Variants in NCKAP5 observed in about 807,000 individuals in gnomAD.
NCKAP5 encodes nck-associated protein 5.
In NCKAP5, 92 loss-of-function variants were observed where a neutral mutation model predicts 167.0. That is an observed-to-expected ratio of 0.55 (90% CI 0.47 to 0.66). The LOEUF (loss-of-function observed/expected upper bound fraction) is 0.66, where lower values mean the gene tolerates loss of function less well. Among genes scored for constraint, NCKAP5 ranks in the 30% least tolerant of loss-of-function variants. The pLI, the probability that NCKAP5 is intolerant of heterozygous loss-of-function variation, is 0.00. For synonymous variants in NCKAP5, 891 were observed against 877.4 expected (o/e 1.02, Z -0.27); for missense variants, 2,378 against 2,315.0 (o/e 1.03, Z -0.56).
At chr2:133,619,531 A>G in the NCKAP5 span, among the ~76,000 whole-genome samples, 2 of 151,954 alleles carry the variant, frequency 1.3e-5, no homozygotes, top group East Asian at 3.9e-4. Flanking sequence ...ACCCAACCCA[A>G]CAAAGACAAA....
chr2:133,469,370 C>A (rs370217241), intron 3 of NCKAP5, among the ~76,000 whole-genome samples: 18,541 of 151,098 alleles, frequency 0.12, 1,243 homozygotes, highest in East Asian at 0.25. Flanking sequence ...GGGTTTCTGC[C>A]GAGAGATCCG....
At chr2:133,223,765 G>T (rs1559287867) in intron 4 of NCKAP5, among the ~76,000 whole-genome samples, 6 of 152,176 alleles carry the variant, frequency 3.9e-5, no homozygotes. Context: ...GTTCTAAGTT[G>T]TGGATCTTCA....
intron 2 of NCKAP5, among the ~76,000 whole-genome samples, chr2:133,548,241 T>C (rs1404620823): frequency 6.6e-6 from 1 of 151,974 alleles, no homozygotes; most frequent in East Asian, 1.9e-4. Flanking sequence ...AAAGACCAAA[T>C]CTACATCTGA....
At chr2:133,065,267 C>A (rs191520963) in intron 6 of NCKAP5, among the ~76,000 whole-genome samples, 1 of 152,272 alleles carries the variant, frequency 6.6e-6, no homozygotes, top group Non-Finnish European at 1.5e-5. Flanking sequence ...AGCACACACA[C>A]AAAAATTAAA....
chr2:132,755,697 C>T (rs112540125), intron 16 of NCKAP5, among the ~76,000 whole-genome samples: 132 of 151,698 alleles, frequency 8.7e-4, no homozygotes, highest in African/African-American at 3.0e-3. Context: ...GGCATGGTGG[C>T]GCGCGCCTGT....
chr2:132,986,811 G>C (rs1395080345), intron 7 of NCKAP5, among the ~76,000 whole-genome samples: 1 of 152,158 alleles, frequency 6.6e-6, no homozygotes, highest in Non-Finnish European at 1.5e-5. Flanking sequence ...TTGTATGGCA[G>C]ACAAACCTGA....
chr2:133,669,413 C>T, the NCKAP5 span, among the ~76,000 whole-genome samples: 3 of 152,100 alleles, frequency 2.0e-5, no homozygotes, highest in African/African-American at 7.2e-5. Flanking sequence ...CTTTTCCCCC[C>T]TATCATTCTT....
intron 2 of NCKAP5, among the ~76,000 whole-genome samples, chr2:133,557,331 G>A (rs574860070): frequency 6.6e-5 from 10 of 152,102 alleles, no homozygotes; most frequent in Non-Finnish European, 1.2e-4. Flanking sequence ...TAACATTCAT[G>A]AGCATCAGTC....
At chr2:133,223,157 T>C (rs1232050820) in intron 4 of NCKAP5, among the ~76,000 whole-genome samples, 1 of 152,186 alleles carries the variant, frequency 6.6e-6, no homozygotes, top group Non-Finnish European at 1.5e-5. Flanking sequence ...CCCCATATTG[T>C]TTCCCTGTGA....
chr2:132,739,793 C>T (rs973528553), intron 16 of NCKAP5, among the ~76,000 whole-genome samples: 2 of 152,084 alleles, frequency 1.3e-5, no homozygotes, highest in Admixed American at 6.5e-5. Flanking sequence ...TGAATATGCA[C>T]CAATGTACTT....
intron 2 of NCKAP5, among the ~76,000 whole-genome samples, chr2:133,539,014 C>T (rs1264524582): frequency 7.1e-6 from 1 of 141,842 alleles, no homozygotes; most frequent in Non-Finnish European, 1.5e-5. Context: ...GATCTCGACT[C>T]ACTGCAAGCT....
intron 3 of NCKAP5, among the ~76,000 whole-genome samples, chr2:133,447,578 C>T (rs553100270): frequency 1.4e-5 from 2 of 139,726 alleles, no homozygotes; most frequent in African/African-American, 5.4e-5. Flanking sequence ...CCTTCTCTTC[C>T]TTTCCCCTTC....
At chr2:133,449,536 A>G (rs2151193141) in intron 3 of NCKAP5, among the ~76,000 whole-genome samples, 1 of 152,324 alleles carries the variant, frequency 6.6e-6, no homozygotes, top group African/African-American at 2.4e-5. Context: ...AAATAGTTGG[A>G]CTTTTGGGTC....
intron 12 of NCKAP5, among the ~76,000 whole-genome samples, chr2:132,794,661 A>G (rs953763641): frequency 1.4e-5 from 2 of 144,544 alleles, no homozygotes; most frequent in African/African-American, 5.8e-5. Context: ...ACACACACAC[A>G]CACACACACA....
At chr2:132,693,305 G>A (rs1426574291) in intron 19 of NCKAP5, among the ~76,000 whole-genome samples, 1 of 152,126 alleles carries the variant, frequency 6.6e-6, no homozygotes, top group Admixed American at 6.5e-5. Flanking sequence ...GTAAGTTAAG[G>A]TGGATCATAC....
intron 6 of NCKAP5, among the ~76,000 whole-genome samples, chr2:133,111,282 C>T (rs2081901485): frequency 6.6e-6 from 1 of 152,136 alleles, no homozygotes; most frequent in African/African-American, 2.4e-5. Context: ...CAGATTGTTG[C>T]TGTAGACCTG....
At chr2:133,117,715 A>G (rs1397957571) in intron 6 of NCKAP5, 2 of 152,228 alleles carry the variant, frequency 1.3e-5, no homozygotes, top group Non-Finnish European at 2.9e-5. Flanking sequence ...CTCTCTTGAC[A>G]ATAATGTGAA....
chr2:133,395,161 G>A (rs1341769900), intron 3 of NCKAP5, among the ~76,000 whole-genome samples: 1 of 152,208 alleles, frequency 6.6e-6, no homozygotes, highest in East Asian at 1.9e-4. Flanking sequence ...TAAAAGGTTA[G>A]TGAGGGGACC....
chr2:133,206,049 T>G (rs77024090), intron 5 of NCKAP5, among the ~76,000 whole-genome samples: 7,974 of 152,168 alleles, frequency 0.052, 649 homozygotes, highest in African/African-American at 0.18. Context: ...CTTTTCTTAC[T>G]CCAGTAGCTA....
Sources: gnomAD v4.1 joint callset for allele counts (sites outside exome capture counted in the v4.1 genomes callset) on GRCh38, gnomAD v4.1.1 for gene constraint, MANE v1.5 for transcripts, NCBI Gene and HGNC (gene_info 2026-07-23, HGNC 2026-07-21) for gene names.